Variants in EXT1 observed in about 807,000 individuals in gnomAD.
EXT1 encodes the protein exostosin glycosyltransferase 1.
EXT1 carries 20 observed loss-of-function variants against 82.5 expected under a neutral mutation model. The ratio of observed to expected loss-of-function variants is 0.24; its 90% CI spans 0.17 to 0.35. EXT1 has a LOEUF of 0.35. EXT1 is among the 10% of genes least tolerant of loss of function. The probability of loss-of-function intolerance (pLI) is 1.00; values close to 1 mark genes in which losing one functional copy is unlikely to be tolerated. For synonymous variants in EXT1, 348 were observed against 350.8 expected (o/e 0.99, Z 0.09); for missense variants, 757 against 936.5 (o/e 0.81, Z 2.50).
In EXT1 at chr8:117,796,526, G is replaced by C. The variant is rs1396250591; in HGVS notation, c.*3186C>G. 1 of 152,124 alleles carries C rather than the reference G, an allele frequency of 6.6e-6. No individual in the cohort carries two copies. Among genetic ancestry groups the C allele is most frequent in the East Asian group, 1.9e-4 (1 of 5,186 alleles). The allele number at this position is 152,124 out of a possible 1,614,324, so 9.4% of individuals were successfully genotyped here. A position where few individuals can be genotyped will look rare whatever the true frequency, so the allele number is the denominator to read the frequency against. ...AAAATAAAGGCTAACATAGCCTACT[G>C]TAATGAAAACCAAAAGTCATTCTAA... is the stretch of plus-strand genomic sequence containing the variant. On this transcript the variant is annotated 3_prime_UTR_variant, in exon 11 of 11. Coordinates refer to ENST00000378204, the MANE Select transcript of EXT1 (RefSeq NM_000127.3).
chr8:118,048,792 CACAA>C (rs1422888196), intron 1 of EXT1, among the ~76,000 whole-genome samples: 1 of 152,184 alleles, frequency 6.6e-6, no homozygotes, highest in Non-Finnish European at 1.5e-5. Context: ...CACTGATTAT[CACAA>C]ACAGTGAAAG....
chr8:117,915,806 A>T (rs1359970814), intron 1 of EXT1, among the ~76,000 whole-genome samples: 1 of 152,218 alleles, frequency 6.6e-6, no homozygotes, highest in Non-Finnish European at 1.5e-5. Context: ...CAGTGAGCCA[A>T]GATCATGCCA....
intron 1 of EXT1, among the ~76,000 whole-genome samples, chr8:117,984,449 C>CAA (rs368857333): frequency 0.26 from 34,257 of 130,594 alleles, 4,188 homozygotes; most frequent in Middle Eastern, 0.38. Context: ...CAAAACAAAA[C>CAA]AAAAAAAAAA....
At chr8:117,932,992 C>T (rs1586293441) in intron 1 of EXT1, among the ~76,000 whole-genome samples, 1 of 152,042 alleles carries the variant, frequency 6.6e-6, no homozygotes, top group East Asian at 1.9e-4. Context: ...GCCATACTGG[C>T]CCCCTTCTGT....
intron 1 of EXT1, among the ~76,000 whole-genome samples, chr8:118,024,245 C>G (rs1351191054): frequency 6.6e-6 from 1 of 152,190 alleles, no homozygotes; most frequent in Admixed American, 6.5e-5. Context: ...TTGACGGTGC[C>G]TATGATCAGC....
intron 1 of EXT1, among the ~76,000 whole-genome samples, chr8:118,055,245 T>C (rs1816777185): frequency 6.6e-6 from 1 of 152,212 alleles, no homozygotes; most frequent in Non-Finnish European, 1.5e-5. Flanking sequence ...CTATAACCTA[T>C]ACATTCTTTC....
At chr8:117,839,345 T>C (rs567072301) in intron 1 of EXT1, among the ~76,000 whole-genome samples, 1 of 152,310 alleles carries the variant, frequency 6.6e-6, no homozygotes, top group Middle Eastern at 3.4e-3. Context: ...TATCTTATCA[T>C]TTTTGGGTAA....
At chr8:117,946,390 G>T (rs1814388913) in intron 1 of EXT1, among the ~76,000 whole-genome samples, 1 of 152,090 alleles carries the variant, frequency 6.6e-6, no homozygotes, top group Admixed American at 6.5e-5. Flanking sequence ...CTCTGAGGGA[G>T]GACGAATAAA....
intron 9 of EXT1, among the ~76,000 whole-genome samples, 198 bp from the exon 10 acceptor site, chr8:117,805,091 C>G (rs896902163): frequency 1.3e-5 from 2 of 152,106 alleles, no homozygotes; most frequent in African/African-American, 4.8e-5. Context: ...AAGTGTTTTA[C>G]AAGAAATGCT....
At chr8:118,021,132 G>A (rs571835885) in intron 1 of EXT1, among the ~76,000 whole-genome samples, 4 of 152,266 alleles carry the variant, frequency 2.6e-5, no homozygotes, top group Admixed American at 6.5e-5. Flanking sequence ...GTGCAAATAT[G>A]AACTCTTATT....
Position 117,887,534 on chromosome 8 carries a change from T to A in EXT1, c.963-50333A>T, listed in dbSNP as rs189593242. Among the ~76,000 whole-genome samples the A allele has an allele frequency of 1.7e-3, 266 of 152,166 alleles. 1 individual carries two copies. Among genetic ancestry groups the A allele is most frequent in the Non-Finnish European group, 3.3e-3 (222 of 67,992 alleles). On this transcript the variant is annotated intron_variant, in intron 1 of 10. Transcript: ENST00000378204. ...GCCCAGATAATTTTTGTATTTTTAG[T>A]AGAGACAGGGTTTCACCATGTTGGC...
At chr8:117,862,968 A>G (rs1342061544) in intron 1 of EXT1, among the ~76,000 whole-genome samples, 1 of 137,270 alleles carries the variant, frequency 7.3e-6, no homozygotes, top group Non-Finnish European at 1.7e-5. Context: ...AAACTAAGCC[A>G]GTCTGGGTGG....
chr8:117,837,780 C>G (rs1386044767), intron 1 of EXT1, among the ~76,000 whole-genome samples: 1 of 151,202 alleles, frequency 6.6e-6, no homozygotes, highest in Non-Finnish European at 1.5e-5. Context: ...GCTGACATAA[C>G]TCACAGGAGA....
chr8:117,822,728 T>G (rs1366399368), intron 4 of EXT1, 131 bp from the exon 5 acceptor site: 1 of 955,534 alleles, frequency 1.0e-6, no homozygotes, highest in Non-Finnish European at 1.6e-6. Flanking sequence ...ACTTTAATTC[T>G]CCGGATAAAA....
At chr8:117,840,171 G>T (rs1341705248) in intron 1 of EXT1, among the ~76,000 whole-genome samples, 1 of 152,192 alleles carries the variant, frequency 6.6e-6, no homozygotes, top group Non-Finnish European at 1.5e-5. Context: ...AGAACCATGA[G>T]AGTCTGTGGC....
At chr8:117,961,605 C>T (rs1436302098) in intron 1 of EXT1, among the ~76,000 whole-genome samples, 2 of 152,162 alleles carry the variant, frequency 1.3e-5, no homozygotes, top group East Asian at 3.9e-4. Context: ...ATGCAATTTG[C>T]AAGCATGAAA....
intron 1 of EXT1, among the ~76,000 whole-genome samples, chr8:118,002,565 T>A (rs1815694381): frequency 7.1e-6 from 1 of 141,810 alleles, no homozygotes; most frequent in Non-Finnish European, 1.5e-5. Context: ...AGAGTCTTGC[T>A]CTGTCACCCA....
At chr8:118,056,441 C>A (rs975251018) in intron 1 of EXT1, among the ~76,000 whole-genome samples, 1 of 152,196 alleles carries the variant, frequency 6.6e-6, no homozygotes, top group African/African-American at 2.4e-5. Flanking sequence ...TGAAACCCAA[C>A]TAGTTTCCAG....
At chr8:117,916,750 TAAAAATAG>T (rs1330095691) in intron 1 of EXT1, among the ~76,000 whole-genome samples, 1 of 151,872 alleles carries the variant, frequency 6.6e-6, no homozygotes, top group Admixed American at 6.6e-5. Flanking sequence ...CCGTCTCTAC[TAAAAATAG>T]AAAAATTAGC....
Sources: allele counts gnomAD v4.1 joint callset (sites outside exome capture counted in the v4.1 genomes callset), GRCh38; gene constraint gnomAD v4.1.1; transcripts MANE v1.5; gene names NCBI Gene and HGNC (gene_info 2026-07-23, HGNC 2026-07-21).